The following MTUS2 variants were observed in gnomAD, a reference collection of about 807,000 sequenced individuals.
The protein encoded by MTUS2 is microtubule associated scaffold protein 2.
MTUS2 carries 40 observed loss-of-function variants against 114.1 expected under a neutral mutation model. The observed-to-expected ratio is 0.35, with a 90% CI of 0.27 to 0.46. The LOEUF (loss-of-function observed/expected upper bound fraction) is 0.46. MTUS2 is among the 20% of genes least tolerant of loss of function. The pLI, the probability that MTUS2 is intolerant of heterozygous loss-of-function variation, is 1.00. For synonymous variants in MTUS2, 688 were observed against 672.0 expected, an observed-to-expected ratio of 1.02 and a Z score of -0.37; for missense variants, 1,679 against 1,705.4, an observed-to-expected ratio of 0.98 and a Z score of 0.27.
intron 7 of MTUS2, among the ~76,000 whole-genome samples, chr13:29,355,770 T>C (rs974068994): frequency 1.3e-5 from 2 of 152,216 alleles, no homozygotes; most frequent in African/African-American, 4.8e-5. Context: ...TTTCTGCTTG[T>C]ATATTTCACA....
intron 2 of MTUS2, among the ~76,000 whole-genome samples, chr13:28,917,060 G>A (rs1467782528): frequency 6.6e-6 from 1 of 151,694 alleles, no homozygotes; most frequent in Non-Finnish European, 1.5e-5. Flanking sequence ...TTGAAATGAT[G>A]TATCACATTG....
intron 5 of MTUS2, among the ~76,000 whole-genome samples, chr13:29,219,671 G>T (rs1437659839): frequency 1.3e-5 from 2 of 152,176 alleles, no homozygotes; most frequent in Non-Finnish European, 2.9e-5. Flanking sequence ...AAAATCTGTT[G>T]TTTAGTGTAG....
At chr13:29,059,790 T>G (rs1888324263) in intron 4 of MTUS2, among the ~76,000 whole-genome samples, 1 of 152,220 alleles carries the variant, frequency 6.6e-6, no homozygotes, top group Admixed American at 6.5e-5. Context: ...GCTGGCTAAG[T>G]TCAGACAGAA....
At chr13:28,906,195 C>A (rs1461857425) in intron 2 of MTUS2, among the ~76,000 whole-genome samples, 1 of 151,278 alleles carries the variant, frequency 6.6e-6, no homozygotes, top group Non-Finnish European at 1.5e-5. Context: ...TTGATCTTTT[C>A]AAAAATCCAG....
At chr13:28,897,443 T>C (rs576613511) in intron 2 of MTUS2, among the ~76,000 whole-genome samples, 3 of 152,226 alleles carry the variant, frequency 2.0e-5, no homozygotes, top group Non-Finnish European at 4.4e-5. Context: ...ACATTTACAC[T>C]GTTGGTGGGA....
chr13:29,340,148 G>A (rs749396101), intron 7 of MTUS2, among the ~76,000 whole-genome samples: 8 of 152,316 alleles, frequency 5.3e-5, no homozygotes, highest in Non-Finnish European at 5.9e-5. Context: ...GGGACATCAC[G>A]GGGTGCAGCT....
Position 28,896,527 on chromosome 13 carries a change from T to G in MTUS2, c.-243+56677T>G, listed in dbSNP as rs567520526. ...ATCCCCATCAAGCTACCAATGACTTTCTTCACAGAATTGGAAAAAACTACT... is the reference window on the plus strand; with the variant it reads ...ATCCCCATCAAGCTACCAATGACTTGCTTCACAGAATTGGAAAAAACTACT... On this transcript the variant is annotated intron_variant, in intron 2 of 15. Coordinates refer to ENST00000612955, the MANE Select transcript of MTUS2 (RefSeq NM_001033602.4). 3.2e-3 allele frequency among the ~76,000 whole-genome samples: 481 copies of G among 152,276 alleles called. 2 individuals carry two copies. Among genetic ancestry groups the G allele is most frequent in the African/African-American group, 0.011 (444 of 41,556 alleles).
At chr13:29,442,049 G>C (rs1362291058) in intron 9 of MTUS2, among the ~76,000 whole-genome samples, 1 of 152,132 alleles carries the variant, frequency 6.6e-6, no homozygotes, top group Non-Finnish European at 1.5e-5. Flanking sequence ...CTGACCTTCA[G>C]GTCAGTTCCC....
At chr13:29,416,587 A>G (rs1337237555) in intron 8 of MTUS2, among the ~76,000 whole-genome samples, 1 of 152,046 alleles carries the variant, frequency 6.6e-6, no homozygotes, top group East Asian at 1.9e-4. Context: ...AAGCTCATAC[A>G]CTATCCAATG....
intron 8 of MTUS2, among the ~76,000 whole-genome samples, chr13:29,433,581 A>G (rs539218833): frequency 6.6e-6 from 1 of 152,358 alleles, no homozygotes; most frequent in African/African-American, 2.4e-5. Flanking sequence ...CCACAGAGCT[A>G]TTATATATTA....
At chr13:29,283,835 A>C (rs1898370682) in intron 6 of MTUS2, among the ~76,000 whole-genome samples, 2 of 152,224 alleles carry the variant, frequency 1.3e-5, no homozygotes, top group Non-Finnish European at 2.9e-5. Context: ...CTCACTGATA[A>C]GAAAAACGTA....
chr13:28,966,734 A>AAAAAAC (rs1883607077), intron 2 of MTUS2, among the ~76,000 whole-genome samples: 1 of 151,588 alleles, frequency 6.6e-6, no homozygotes, highest in Non-Finnish European at 1.5e-5. Context: ...CAAAAAAAAA[A>AAAAAAC]AAAAAAAAAA....
chr13:29,406,784 G>A (rs889488536), intron 8 of MTUS2, among the ~76,000 whole-genome samples: 5 of 150,636 alleles, frequency 3.3e-5, no homozygotes, highest in Admixed American at 1.3e-4. Context: ...ATAGGTGTTT[G>A]CCTATTTTTA....
At chr13:28,951,115 A>G (rs912287971) in intron 2 of MTUS2, among the ~76,000 whole-genome samples, 2 of 152,220 alleles carry the variant, frequency 1.3e-5, no homozygotes, top group Admixed American at 6.5e-5. Context: ...ATGCAAAAGA[A>G]TCACAAAAAA....
intron 4 of MTUS2, among the ~76,000 whole-genome samples, chr13:29,067,181 T>A (rs936264237): frequency 6.6e-6 from 1 of 152,028 alleles, no homozygotes; most frequent in African/African-American, 2.4e-5. Context: ...AAAGATACAA[T>A]GTGGTGTCAT....
chr13:28,949,853 G>C (rs1362996695), intron 2 of MTUS2, among the ~76,000 whole-genome samples: 1 of 152,170 alleles, frequency 6.6e-6, no homozygotes, highest in Non-Finnish European at 1.5e-5. Context: ...TTATCTGTTG[G>C]TGAACACTTG....
rs529201561 is a variant in MTUS2 at position 28,987,137 on chromosome 13, C to T, written c.-242-37320C>T. On this transcript the variant is annotated intron_variant, in intron 2 of 15. Coordinates refer to ENST00000612955, the MANE Select transcript of MTUS2 (RefSeq NM_001033602.4). The stretch of plus-strand genomic sequence containing the variant: ...AACTCAAAGCTGGACCCCTCGGACT[C>T]TCCTGGAGCTCTGGACTCGTCCACT... Among the ~76,000 whole-genome samples, 24 of 152,356 alleles carry T rather than the reference C, an allele frequency of 1.6e-4. No homozygotes were observed. The East Asian group carries it at 1.9e-3, about 12-fold the overall frequency.
chr13:29,185,479 A>T (rs959513466), intron 5 of MTUS2, among the ~76,000 whole-genome samples: 1 of 152,254 alleles, frequency 6.6e-6, no homozygotes, highest in African/African-American at 2.4e-5. Flanking sequence ...CATCTTAGAC[A>T]CATCATAATT....
At chr13:29,165,039 G>C (rs934707857) in intron 5 of MTUS2, among the ~76,000 whole-genome samples, 1 of 152,288 alleles carries the variant, frequency 6.6e-6, no homozygotes, top group South Asian at 2.1e-4. Flanking sequence ...ATGGCTTGCT[G>C]TGGCCCTTAA....
Sources: gnomAD v4.1 joint callset for allele counts (sites outside exome capture counted in the v4.1 genomes callset) on GRCh38, gnomAD v4.1.1 for gene constraint, MANE v1.5 for transcripts, NCBI Gene and HGNC (gene_info 2026-07-23, HGNC 2026-07-21) for gene names.